The following DEK variants were observed in gnomAD, a reference collection of about 807,000 sequenced individuals.
DEK encodes the protein DEK proto-oncogene.
Under a neutral mutation model 46.8 loss-of-function variants are expected in DEK, and 28 were observed. The observed-to-expected ratio is 0.60, with a 90% CI of 0.44 to 0.82. DEK has a LOEUF of 0.82. Among genes scored for constraint, DEK ranks in the 40% least tolerant of loss-of-function variants. The pLI is 0.00. For missense variants in DEK, 416 were observed against 430.6 expected (o/e 0.97, Z 0.30); for synonymous variants, 160 against 144.5 (o/e 1.11, Z -0.77).
At chr6:18,227,144 C>A (rs1790169826) in intron 9 of DEK, among the ~76,000 whole-genome samples, 2 of 152,086 alleles carry the variant, frequency 1.3e-5, no homozygotes, top group Admixed American at 6.6e-5. Flanking sequence ...GACCGTCCCC[C>A]AGCCCGACAC....
intron 7 of DEK, chr6:18,244,676 C>G (rs780390723): frequency 1.6e-5 from 11 of 689,798 alleles, no homozygotes; most frequent in African/African-American, 3.8e-5. Context: ...GCTGAGAAAA[C>G]TCAGAATGCC....
At chr6:18,255,602 C>A in intron 6 of DEK, 129 bp downstream of exon 6, 1 of 1,115,640 alleles carries the variant, frequency 9.0e-7, no homozygotes, top group Non-Finnish European at 1.2e-6. Context: ...GATACGTCAA[C>A]AGAAGGTATA....
chr6:18,263,954 C>G lies in DEK; in HGVS notation c.34G>C (p.Gly12Arg), dbSNP rs780441739. 1.2e-6 allele frequency: 2 copies of G among 1,612,852 alleles called. No individual in the cohort carries two copies. Among genetic ancestry groups the G allele is most frequent in the South Asian group, 2.2e-5 (2 of 90,966 alleles). ...TCGGACGCGGGCTGGGTGGGGGTTCCCTCCCCCTCCGCAGCAGGGGCCGAG... is the reference window on the plus strand; with the variant it reads ...TCGGACGCGGGCTGGGTGGGGGTTCGCTCCCCCTCCGCAGCAGGGGCCGAG... Reference protein sequence around the residue: ...SASAPAAEGEGTPTQPASEKE... With the variant: ...SASAPAAEGERTPTQPASEKE... The change falls in exon 2 of 11, where the codon GGA (glycine) becomes CGA (arginine). Residue 12 changes from glycine to arginine, a missense_variant. By Grantham distance (125) the Gly-to-Arg change is moderately radical (BLOSUM62 -2). Coordinates refer to ENST00000652689, the MANE Select transcript of DEK (RefSeq NM_003472.4).
At chr6:18,255,634 C>T (rs1791564666) in intron 6 of DEK, 97 bp downstream of exon 6, 3 of 1,388,292 alleles carry the variant, frequency 2.2e-6, no homozygotes, top group Non-Finnish European at 2.9e-6. Context: ...TAGATATGAA[C>T]GAATACTGAC....
intron 2 of DEK, among the ~76,000 whole-genome samples, chr6:18,261,254 A>G (rs145216585): frequency 2.0e-5 from 3 of 152,294 alleles, no homozygotes; most frequent in African/African-American, 7.2e-5. Flanking sequence ...TGGAGCTTTA[A>G]GATTTAAAGA....
At chr6:18,245,337 T>C (rs1051278422) in intron 7 of DEK, among the ~76,000 whole-genome samples, 2 of 152,260 alleles carry the variant, frequency 1.3e-5, no homozygotes, top group African/African-American at 2.4e-5. Flanking sequence ...CTTGAACTGC[T>C]GTACTGGCCC....
Position 18,259,394 on chromosome 6 carries a change from C to CAA in DEK, c.146-991_146-990dup, listed in dbSNP as rs56704006. Among the ~76,000 whole-genome samples the CAA allele has an allele frequency of 1.9e-3, 79 of 41,474 alleles. 7 individuals are homozygous for CAA. The highest frequency in any genetic ancestry group is 3.0e-3 in the Non-Finnish European group (57 of 19,164). The allele number at this position is 41,474 out of a possible 152,430, so 27.2% of individuals were successfully genotyped here. On this transcript the variant is annotated intron_variant, in intron 2 of 10. Coordinates refer to ENST00000652689, the MANE Select transcript of DEK (RefSeq NM_003472.4). ...TGGGCGACACAGCAAGACTCCGTCT[C>CAA]AAAAAAAAAAAAAAAAAAAAAAAAA...
Position 18,242,751 on chromosome 6 carries a change from A to G in DEK, c.763-5235T>C, listed in dbSNP as rs143487574. The stretch of plus-strand genomic sequence containing the variant: ...CAGAAGTAGTAATGTTGGCAATTCA[A>G]ACATGCCAAAGAGAAGCCATAAAGT... On this transcript the variant is annotated intron_variant, in intron 7 of 10. Transcript: ENST00000652689. 3.7e-3 allele frequency among the ~76,000 whole-genome samples: 562 copies of G among 152,314 alleles called. 8 individuals carry two copies. The highest frequency in any genetic ancestry group is 0.024 in the Admixed American group (373 of 15,306).
intron 7 of DEK, among the ~76,000 whole-genome samples, chr6:18,242,753 C>T (rs1171426815): frequency 1.3e-5 from 2 of 152,102 alleles, no homozygotes; most frequent in Non-Finnish European, 2.9e-5. Context: ...GCAATTCAAA[C>T]ATGCCAAAGA....
chr6:18,263,890 T>C lies in DEK; in HGVS notation c.98A>G (p.Glu33Gly), dbSNP rs370445986. Residue 33 changes from glutamate to glycine, a missense_variant, in exon 2 of 11, where the codon GAG becomes GGG. Physicochemically the swap from Glu to Gly is moderately conservative, Grantham distance 98 (BLOSUM62 -2). Coordinates refer to ENST00000652689, the MANE Select transcript of DEK (RefSeq NM_003472.4). ...PEMPGPREES[E>G]EEEDEDDEEE... ...CTCGTCGTCCTCGTCCTCTTCCTCC[T>C]CGCTCTCCTCTCTGGGACCGGGCAT... 2.5e-6 allele frequency: 4 copies of C among 1,612,918 alleles called. No homozygotes were observed. The highest frequency in any genetic ancestry group is 2.5e-6 in the Non-Finnish European group (3 of 1,179,502).
intron 7 of DEK, among the ~76,000 whole-genome samples, chr6:18,245,121 A>G (rs149386065): frequency 6.6e-6 from 1 of 152,332 alleles, no homozygotes; most frequent in East Asian, 1.9e-4. Context: ...GGCTGATGCC[A>G]TGTATATGGA....
intron 6 of DEK, among the ~76,000 whole-genome samples, chr6:18,254,275 G>T (rs1023902423): frequency 6.6e-6 from 1 of 152,110 alleles, no homozygotes; most frequent in African/African-American, 2.4e-5. Context: ...TGGTTGCAGT[G>T]AGCAGAGATT....
chr6:18,250,946 T>C (rs1791353207), intron 6 of DEK, among the ~76,000 whole-genome samples: 1 of 152,212 alleles, frequency 6.6e-6, no homozygotes, highest in South Asian at 2.1e-4. Flanking sequence ...AAATGATAAG[T>C]ATGTTAATTA....
At chr6:18,249,606 TC>T in intron 7 of DEK, 44 bp downstream of exon 7, 1 of 1,471,798 alleles carries the variant, frequency 6.8e-7, no homozygotes, top group Non-Finnish European at 9.0e-7. Context: ...TATTTAACTC[TC>T]CCCATGGAAA....
chr6:18,262,768 T>C (rs1791934456), intron 2 of DEK, among the ~76,000 whole-genome samples: 1 of 152,224 alleles, frequency 6.6e-6, no homozygotes, highest in South Asian at 2.1e-4. Context: ...TTAAAAATAA[T>C]TTTAAAATAA....
At chr6:18,246,733 G>C (rs1348672496) in intron 7 of DEK, among the ~76,000 whole-genome samples, 1 of 152,098 alleles carries the variant, frequency 6.6e-6, no homozygotes, top group Admixed American at 6.5e-5. Context: ...GCTTGCATAA[G>C]ATTTCTTACT....
intron 6 of DEK, among the ~76,000 whole-genome samples, chr6:18,250,708 C>T (rs1286916961): frequency 6.8e-6 from 1 of 147,650 alleles, no homozygotes; most frequent in Non-Finnish European, 1.5e-5. Flanking sequence ...GTTGGCCAGG[C>T]TGGTCTCAAA....
At position 18,255,587 on chromosome 6, in the gene DEK, C is replaced by G. The variant is rs1029546773; in HGVS notation, c.573+144G>C. 8.4e-5 allele frequency: 81 copies of G among 959,422 alleles called. No individual in the cohort carries two copies. In the African/African-American group the frequency reaches 1.1e-3, roughly 13 times the overall value. 59.4% of individuals were successfully genotyped at this position (959,422 alleles called of 1,614,324 possible). On this transcript the variant is annotated intron_variant, in intron 6 of 10. Coordinates refer to ENST00000652689, the MANE Select transcript of DEK (RefSeq NM_003472.4). ...CTATATTATTTCTATCAGGAAATTA[C>G]TGCAGATACGTCAACAGAAGGTATA... is the stretch of plus-strand genomic sequence containing the variant.
At chr6:18,227,239 C>A (rs949726906) in intron 9 of DEK, among the ~76,000 whole-genome samples, 2 of 152,092 alleles carry the variant, frequency 1.3e-5, no homozygotes. Flanking sequence ...GCATCTGTCT[C>A]CTGCCTGTCC....
Sources: gnomAD v4.1 joint callset for allele counts (sites outside exome capture counted in the v4.1 genomes callset) on GRCh38, gnomAD v4.1.1 for gene constraint, MANE v1.5 for transcripts, NCBI Gene and HGNC (gene_info 2026-07-23, HGNC 2026-07-21) for gene names.